Variants in RANBP17 observed in about 807,000 individuals in gnomAD.
The protein encoded by RANBP17 is ran-binding protein 17.
A neutral mutation model predicts 141.2 loss-of-function variants in RANBP17; 158 were observed. The ratio of observed to expected loss-of-function variants is 1.12; its 90% CI spans 0.98 to 1.28. The LOEUF (loss-of-function observed/expected upper bound fraction) is 1.28, where lower values mean the gene tolerates loss of function less well. Ranked by LOEUF, RANBP17 falls within the 50% of genes most tolerant of loss-of-function variation. The probability of loss-of-function intolerance (pLI) is 0.00; values close to 1 mark genes in which losing one functional copy is unlikely to be tolerated. For synonymous variants in RANBP17, 430 were observed against 450.0 expected, an observed-to-expected ratio of 0.96 and a Z score of 0.56; for missense variants, 1,438 against 1,290.7, an observed-to-expected ratio of 1.11 and a Z score of -1.75.
chr5:170,955,565 A>G, intron 13 of RANBP17, among the ~76,000 whole-genome samples: 1 of 92,148 alleles, frequency 1.1e-5, no homozygotes, highest in Non-Finnish European at 2.2e-5. Context: ...GTATATATAT[A>G]TATGCTCAGT....
chr5:170,970,956 A>G (rs1403788882), intron 14 of RANBP17, among the ~76,000 whole-genome samples: 1 of 152,026 alleles, frequency 6.6e-6, no homozygotes, highest in Non-Finnish European at 1.5e-5. Context: ...GCATGTATGT[A>G]TTGTTTGTAT....
chr5:170,903,770 C>G (rs1282983153), intron 5 of RANBP17: 1 of 341,144 alleles, frequency 2.9e-6, no homozygotes, highest in Non-Finnish European at 5.9e-6. Context: ...TAGACGACTT[C>G]AAGTGCTGTG....
chr5:171,069,790 C>A (rs1784527923), intron 14 of RANBP17, among the ~76,000 whole-genome samples: 1 of 151,954 alleles, frequency 6.6e-6, no homozygotes, highest in Non-Finnish European at 1.5e-5. Context: ...CAGGATGTAA[C>A]CCCATCATAA....
intron 14 of RANBP17, among the ~76,000 whole-genome samples, chr5:171,055,232 A>G (rs936121984): frequency 1.3e-5 from 2 of 152,176 alleles, no homozygotes; most frequent in African/African-American, 4.8e-5. Flanking sequence ...TACATTACTC[A>G]TCCCTCTTGT....
rs369895561 is a variant in RANBP17, at chr5:171,217,545, T to C, written c.2339+3807T>C. 1.4e-4 allele frequency among the ~76,000 whole-genome samples: 22 copies of C among 152,318 alleles called. No homozygotes were observed. In the East Asian group the frequency reaches 2.9e-3, roughly 20 times the overall value. The stretch of plus-strand genomic sequence containing the variant: ...GCTGTGAATCTGTCTGGGCTTTTTT[T>C]GGTTGATAGGCTATTAATTACTGCC... On this transcript the variant is annotated intron_variant, in intron 21 of 27. Coordinates refer to ENST00000523189, the MANE Select transcript of RANBP17 (RefSeq NM_022897.5).
Position 171,298,917 on chromosome 5 carries a change from G to A in RANBP17, c.*59G>A, listed in dbSNP as rs1768989882. On this transcript the variant is annotated 3_prime_UTR_variant, in exon 28 of 28. Coordinates refer to ENST00000523189, the MANE Select transcript of RANBP17 (RefSeq NM_022897.5). ...TATCAAGAGACTCCTGAAGGTCTGGGTCTCAGGACAGTGATGTTGGCTAGC... is the reference window on the plus strand; with the variant it reads ...TATCAAGAGACTCCTGAAGGTCTGGATCTCAGGACAGTGATGTTGGCTAGC... 6.6e-6 allele frequency: 9 copies of A among 1,354,748 alleles called. No homozygotes were observed. The Admixed American group carries it at 1.2e-4, about 18-fold the overall frequency. The allele number at this position is 1,354,748 out of a possible 1,614,324, so 83.9% of individuals were successfully genotyped here. A position where few individuals can be genotyped will look rare whatever the true frequency, so the allele number is the denominator to read the frequency against.
At chr5:171,231,780 T>G (rs1764225179) in intron 22 of RANBP17, among the ~76,000 whole-genome samples, 1 of 152,220 alleles carries the variant, frequency 6.6e-6, no homozygotes, top group African/African-American at 2.4e-5. Context: ...GTCCCTAACC[T>G]TTATAAACTC....
chr5:170,892,385 A>T lies in RANBP17; in HGVS notation c.257-2A>T. The T allele has an allele frequency of 7.0e-7, 1 of 1,436,216 alleles. No individual in the cohort carries two copies. The allele number at this position is 1,436,216 out of a possible 1,614,324, so 89.0% of individuals were successfully genotyped here. On this transcript the variant is annotated splice_acceptor_variant, in intron 3 of 27. Transcript: ENST00000523189. LOFTEE classifies it high-confidence loss of function. ...ATGACCCATGGAGTGTTTTCTTTGT[A>T]GGAAACTACATTCTGAATTACGTGG...
intron 14 of RANBP17, among the ~76,000 whole-genome samples, chr5:171,132,869 T>C (rs557256077): frequency 2.6e-5 from 4 of 152,300 alleles, no homozygotes; most frequent in African/African-American, 9.6e-5. Flanking sequence ...TAAATAATTC[T>C]TGAGATTAGT....
At chr5:171,209,708 G>C (rs183511295) in intron 20 of RANBP17, among the ~76,000 whole-genome samples, 28 of 152,326 alleles carry the variant, frequency 1.8e-4, no homozygotes, top group Admixed American at 1.4e-3. Context: ...CAAGAGAAGT[G>C]AAAGTTGAGC....
chr5:171,023,048 A>T (rs1318453275), intron 14 of RANBP17, among the ~76,000 whole-genome samples: 1 of 152,232 alleles, frequency 6.6e-6, no homozygotes, highest in Non-Finnish European at 1.5e-5. Flanking sequence ...CATGTGGCTC[A>T]GATGGGCCAC....
At chr5:171,144,660 C>T (rs901154054) in intron 14 of RANBP17, among the ~76,000 whole-genome samples, 1 of 152,140 alleles carries the variant, frequency 6.6e-6, no homozygotes, top group Non-Finnish European at 1.5e-5. Context: ...ATGGTCTCTG[C>T]CTGCCACAAC....
chr5:170,918,774 AT>A lies in RANBP17; in HGVS notation c.1018del (p.Tyr340IlefsTer6). 1 of 1,607,972 alleles carries A rather than the reference AT, an allele frequency of 6.2e-7. No homozygotes were observed. On this transcript the variant is annotated frameshift_variant, in exon 10 of 28. Coordinates refer to ENST00000523189, the MANE Select transcript of RANBP17 (RefSeq NM_022897.5). LOFTEE classifies it high-confidence loss of function. ...CGATTTTTGGCTCGTTTAAAGACAA[AT>A]TATCAGCTGGGAGAATTAGTTATGG... ...FCRFLARLKTNYQLGELVMVK... is the reference protein window; with the variant it reads ...FCRFLARLKTXYQLGELVMVK...
intron 14 of RANBP17, among the ~76,000 whole-genome samples, chr5:171,098,348 A>G (rs549443352): frequency 1.9e-4 from 29 of 152,202 alleles, no homozygotes; most frequent in Non-Finnish European, 3.5e-4. Context: ...ATGAGATGGT[A>G]TCTCATTGTG....
chr5:171,147,382 G>GTGT (rs1315097543), intron 14 of RANBP17, among the ~76,000 whole-genome samples: 2 of 32,070 alleles, frequency 6.2e-5, no homozygotes, highest in Non-Finnish European at 1.9e-4. Flanking sequence ...TGTGTGTGTG[G>GTGT]TTGTTTGTTT....
At chr5:171,100,029 CA>C (rs1402605111) in intron 14 of RANBP17, among the ~76,000 whole-genome samples, 1 of 152,144 alleles carries the variant, frequency 6.6e-6, no homozygotes, top group African/African-American at 2.4e-5. Context: ...GGATTTTTCG[CA>C]TCGATGTTCA....
intron 14 of RANBP17, among the ~76,000 whole-genome samples, chr5:171,166,253 C>CAAAG (rs967845958): frequency 4.6e-5 from 7 of 152,030 alleles, no homozygotes; most frequent in African/African-American, 1.7e-4. Context: ...AACTCATAAC[C>CAAAG]AAAGGCATAA....
At chr5:171,221,406 T>C (rs1465657295) in intron 21 of RANBP17, among the ~76,000 whole-genome samples, 2 of 152,216 alleles carry the variant, frequency 1.3e-5, no homozygotes, top group Non-Finnish European at 1.5e-5. Context: ...ATCCAAGTAT[T>C]TGTCTAAACT....
chr5:171,153,662 T>C (rs969642792), intron 14 of RANBP17, among the ~76,000 whole-genome samples: 1 of 152,170 alleles, frequency 6.6e-6, no homozygotes, highest in Non-Finnish European at 1.5e-5. Flanking sequence ...GCATATAACA[T>C]ACACAGGGAA....
Sources: gnomAD v4.1 joint callset for allele counts (sites outside exome capture counted in the v4.1 genomes callset) on GRCh38, gnomAD v4.1.1 for gene constraint, MANE v1.5 for transcripts, NCBI Gene and HGNC (gene_info 2026-07-23, HGNC 2026-07-21) for gene names.